SH3BGRL: variants seen among roughly 807,000 people sequenced by gnomAD.
The protein encoded by SH3BGRL is adapter SH3BGRL.
SH3BGRL carries 7 observed loss-of-function variants against 9.8 expected under a neutral mutation model. The observed-to-expected ratio is 0.72, with a 90% CI of 0.41 to 1.35. The LOEUF is 1.35. Among genes scored for constraint, SH3BGRL ranks in the 40% most tolerant of loss-of-function variants. The pLI is 0.01. For synonymous variants in SH3BGRL, 36 were observed against 29.1 expected (o/e 1.24, Z -0.76); for missense variants, 73 against 84.4 (o/e 0.86, Z 0.53).
At chrX:81,219,689 G>T (rs1283008503) in intron 1 of SH3BGRL, among the ~76,000 whole-genome samples, 1 of 111,488 alleles carries the variant, frequency 9.0e-6, no homozygotes, top group African/African-American at 3.2e-5. Context: ...GGACATCTTT[G>T]TCGTGTACCA....
At chrX:81,293,448 C>T (rs1285657998) in intron 3 of SH3BGRL, among the ~76,000 whole-genome samples, 10 of 111,536 alleles carry the variant, frequency 9.0e-5, no homozygotes, top group African/African-American at 2.6e-4. Flanking sequence ...TTTGGGAGGT[C>T]GAGGCAGGTG....
chrX:81,212,068 G>A (rs754541130), intron 1 of SH3BGRL, among the ~76,000 whole-genome samples: 1 of 110,413 alleles, frequency 9.1e-6, no homozygotes, highest in East Asian at 2.8e-4. Context: ...TAGTTGGGGT[G>A]AAATATTTTC....
chrX:81,210,367 A>T lies in SH3BGRL; in HGVS notation c.45+8122A>T, dbSNP rs758221374. On this transcript the variant is annotated intron_variant, in intron 1 of 3. Transcript: ENST00000373212. ...ACCGTTCTCTTCAGTATGTTATATC[A>T]AATTTGATTTAGAAGGAAGACAAGC... Among the ~76,000 whole-genome samples, 5 of 111,446 alleles carry T rather than the reference A, an allele frequency of 4.5e-5. No homozygotes were observed. The South Asian group carries it at 1.9e-3, about 42-fold the overall frequency.
At chrX:81,259,868 G>A (rs946816739) in intron 1 of SH3BGRL, among the ~76,000 whole-genome samples, 3 of 111,841 alleles carry the variant, frequency 2.7e-5, no homozygotes, top group Non-Finnish European at 5.7e-5. Context: ...GTTTCAAATG[G>A]AGATAGGACT....
chrX:81,203,370 T>C (rs1232319927), intron 1 of SH3BGRL, among the ~76,000 whole-genome samples: 1 of 112,029 alleles, frequency 8.9e-6, no homozygotes, highest in African/African-American at 3.3e-5. Flanking sequence ...AGAACCTTGA[T>C]ATTTGAACTT....
At chrX:81,257,785 C>T (rs1048556879) in intron 1 of SH3BGRL, among the ~76,000 whole-genome samples, 7 of 110,684 alleles carry the variant, frequency 6.3e-5, no homozygotes, top group African/African-American at 2.3e-4. Flanking sequence ...GGAGTGAACA[C>T]CAGGAGGTGG....
At chrX:81,272,784 C>G (rs746127212) in intron 1 of SH3BGRL, among the ~76,000 whole-genome samples, 2 of 111,438 alleles carry the variant, frequency 1.8e-5, no homozygotes, top group East Asian at 5.7e-4. Context: ...CAGGCGTGAG[C>G]CACCGCTCCT....
At chrX:81,287,526 TG>T (rs1184129003) in intron 3 of SH3BGRL, among the ~76,000 whole-genome samples, 1 of 111,898 alleles carries the variant, frequency 8.9e-6, no homozygotes, top group African/African-American at 3.2e-5. Flanking sequence ...GCTTCACTGC[TG>T]AATTTTACCA....
At chrX:81,219,886 T>G (rs1448386076) in intron 1 of SH3BGRL, among the ~76,000 whole-genome samples, 2 of 111,917 alleles carry the variant, frequency 1.8e-5, no homozygotes, top group African/African-American at 6.5e-5. Flanking sequence ...CATATGGTTT[T>G]TGTCCTTCAT....
At chrX:81,250,257 G>A (rs374834370) in intron 1 of SH3BGRL, among the ~76,000 whole-genome samples, 3 of 108,110 alleles carry the variant, frequency 2.8e-5, no homozygotes, top group Admixed American at 2.0e-4. Flanking sequence ...AAAATTAGCC[G>A]GGCCTGGTGG....
chrX:81,264,909 A>G (rs1271272457), intron 1 of SH3BGRL, among the ~76,000 whole-genome samples: 1 of 111,279 alleles, frequency 9.0e-6, no homozygotes. Context: ...GTATAGACAG[A>G]TAGTAATTCC....
intron 1 of SH3BGRL, among the ~76,000 whole-genome samples, chrX:81,259,439 G>A (rs1005540900): frequency 8.9e-6 from 1 of 111,867 alleles, no homozygotes; most frequent in Non-Finnish European, 1.9e-5. Flanking sequence ...CCTTGACAAA[G>A]TTCCCCTAGA....
intron 1 of SH3BGRL, among the ~76,000 whole-genome samples, chrX:81,261,920 C>A (rs2075742611): frequency 9.0e-6 from 1 of 111,481 alleles, no homozygotes; most frequent in South Asian, 3.8e-4. Flanking sequence ...ATGGAGTTTT[C>A]TCCAATCAAT....
chrX:81,271,503 T>A (rs1421208651), intron 1 of SH3BGRL, among the ~76,000 whole-genome samples: 1 of 112,082 alleles, frequency 8.9e-6, no homozygotes, highest in Non-Finnish European at 1.9e-5. Context: ...AGGTGAGGAA[T>A]GATAAGAAAA....
At chrX:81,281,710 G>A (rs1355847142) in intron 3 of SH3BGRL, among the ~76,000 whole-genome samples, 3 of 111,704 alleles carry the variant, frequency 2.7e-5, no homozygotes, top group Non-Finnish European at 5.6e-5. Context: ...CCTCTTTAAG[G>A]CATAAATCAC....
intron 1 of SH3BGRL, among the ~76,000 whole-genome samples, chrX:81,205,528 A>ATATC (rs1403503055): frequency 2.9e-5 from 3 of 104,441 alleles, no homozygotes; most frequent in African/African-American, 1.1e-4. Context: ...ATATATATAT[A>ATATC]TATCACATTT....
intron 1 of SH3BGRL, among the ~76,000 whole-genome samples, chrX:81,261,842 C>A (rs1203097999): frequency 9.0e-5 from 10 of 111,023 alleles, no homozygotes; most frequent in Admixed American, 1.9e-4. Flanking sequence ...GGCGTTAGTA[C>A]TTAAAGGGTG....
At chrX:81,219,389 G>A (rs1260662789) in intron 1 of SH3BGRL, among the ~76,000 whole-genome samples, 2 of 110,453 alleles carry the variant, frequency 1.8e-5, no homozygotes, top group East Asian at 5.7e-4. Flanking sequence ...TACTGTGAAT[G>A]GGATTACTTT....
At chrX:81,257,026 C>G (rs933284630) in intron 1 of SH3BGRL, among the ~76,000 whole-genome samples, 1 of 111,221 alleles carries the variant, frequency 9.0e-6, no homozygotes, top group East Asian at 2.8e-4. Context: ...TCCTTGAGTA[C>G]TTATTATCAT....
Sources: allele counts gnomAD v4.1 joint callset (sites outside exome capture counted in the v4.1 genomes callset), GRCh38; gene constraint gnomAD v4.1.1; transcripts MANE v1.5; gene names NCBI Gene and HGNC (gene_info 2026-07-23, HGNC 2026-07-21).